The following LRRFIP2 variants were observed in gnomAD, a reference collection of about 807,000 sequenced individuals.
LRRFIP2 encodes the protein leucine-rich repeat flightless-interacting protein 2.
In LRRFIP2, 109 loss-of-function variants were observed where a neutral mutation model predicts 125.9. The ratio of observed to expected loss-of-function variants is 0.87; its 90% CI spans 0.74 to 1.01. The LOEUF (loss-of-function observed/expected upper bound fraction) is 1.01, where lower values mean the gene tolerates loss of function less well. LRRFIP2 is among the 50% of genes least tolerant of loss of function. The pLI, the probability that LRRFIP2 is intolerant of heterozygous loss-of-function variation, is 0.00. For synonymous variants in LRRFIP2, 291 were observed against 293.1 expected, an observed-to-expected ratio of 0.99 and a Z score of 0.07; for missense variants, 850 against 862.3, an observed-to-expected ratio of 0.99 and a Z score of 0.18.
chr3:37,061,364 C>T (rs2088647503), intron 24 of LRRFIP2, among the ~76,000 whole-genome samples: 1 of 151,884 alleles, frequency 6.6e-6, no homozygotes, highest in Admixed American at 6.6e-5. Context: ...CTTGCAGAAC[C>T]ATGAGCCAGT....
chr3:37,067,566 T>C (rs896678369), intron 21 of LRRFIP2: 14 of 152,232 alleles, frequency 9.2e-5, no homozygotes, highest in African/African-American at 2.4e-4. Context: ...GAGAAATTGA[T>C]AGCTGAATAG....
rs1316044631 is a variant in LRRFIP2, at chr3:37,060,499, C to T, written c.1750-1589G>A. The stretch of plus-strand genomic sequence containing the variant: ...TTTGTATTTTTAGTAGATGGGGTTT[C>T]GTCATGTTGGCCAGGCTGGTCTTGA... On this transcript the variant is annotated intron_variant, in intron 24 of 27. Transcript: ENST00000336686. This position sits in a 1 kb window ranked among gnomAD's most constrained non-coding sequence, Gnocchi z 4.1. Among the ~76,000 whole-genome samples the T allele has an allele frequency of 2.0e-5, 3 of 151,844 alleles. No homozygotes were observed. The highest frequency in any genetic ancestry group is 1.3e-4 in the Admixed American group (2 of 15,244).
intron 2 of LRRFIP2, among the ~76,000 whole-genome samples, chr3:37,137,860 T>C (rs1026185144): frequency 6.6e-6 from 1 of 152,228 alleles, no homozygotes; most frequent in Non-Finnish European, 1.5e-5. Context: ...TTTCCATTAA[T>C]GGAATCTTGT....
chr3:37,055,590 C>G lies in LRRFIP2; in HGVS notation c.1871-425G>C, dbSNP rs2086610425. Among the ~76,000 whole-genome samples, 5 of 152,106 alleles carry G rather than the reference C, an allele frequency of 3.3e-5. No homozygotes were observed. In the South Asian group the frequency reaches 1.0e-3, roughly 32 times the overall value. ...CCTGCCAAAAAAAAATTACAAAATACAAATGCACACACAACAACCACAGCA... is the reference window on the plus strand; with the variant it reads ...CCTGCCAAAAAAAAATTACAAAATAGAAATGCACACACAACAACCACAGCA... On this transcript the variant is annotated intron_variant, in intron 25 of 27. Transcript: ENST00000336686.
chr3:37,164,006 T>G (rs1409113704), intron 1 of LRRFIP2, among the ~76,000 whole-genome samples: 1 of 152,222 alleles, frequency 6.6e-6, no homozygotes, highest in Non-Finnish European at 1.5e-5. Context: ...CACAACTAAT[T>G]TTATGCAAAA....
In LRRFIP2 at chr3:37,083,694, A is replaced by G; in HGVS notation, c.1220T>C (p.Ile407Thr). The G allele has an allele frequency of 6.3e-7, 1 of 1,593,226 alleles. No homozygotes were observed. The highest frequency in any genetic ancestry group is 8.5e-7 in the Non-Finnish European group (1 of 1,172,824). ...TGCCATCTGTTCCTCCTGCTCTTCA[A>G]TAACATCCTTGAGTGTGTCTACTTG... ...IYQVDTLKDV[I>T]EEQEEQMAEF... is the part of the protein sequence containing the mutation. The change falls in exon 19 of 28, where the codon ATT becomes ACT. Residue 407 changes from isoleucine (I) to threonine (T), a missense_variant. Coordinates refer to ENST00000336686, the MANE Select transcript of LRRFIP2 (RefSeq NM_006309.4).
At chr3:37,134,551 G>A (rs1373603569) in intron 2 of LRRFIP2, 38 of 439,102 alleles carry the variant, frequency 8.7e-5, no homozygotes, top group East Asian at 5.3e-4. Context: ...TGGCAGAGCC[G>A]GTATGAGATG....
rs556612249 is a variant in LRRFIP2, at chr3:37,101,013, C to T, written c.873+1911G>A. Among the ~76,000 whole-genome samples, 152 of 152,212 alleles carry T rather than the reference C, an allele frequency of 1.0e-3. 4 individuals are homozygous for T. The South Asian group carries it at 0.03, about 30-fold the overall frequency. The stretch of plus-strand genomic sequence containing the variant: ...TTATTTAAATACGATCAGTGAAATG[C>T]TAATTATAAATAATTATTTCTTCAT... On this transcript the variant is annotated intron_variant, in intron 15 of 27. Transcript: ENST00000336686.
At chr3:37,133,561 A>G (rs1034964591) in intron 2 of LRRFIP2, among the ~76,000 whole-genome samples, 1 of 152,238 alleles carries the variant, frequency 6.6e-6, no homozygotes, top group African/African-American at 2.4e-5. Context: ...GTAATATTGT[A>G]TACTTCCACT....
intron 1 of LRRFIP2, among the ~76,000 whole-genome samples, chr3:37,159,400 ATTTT>A (rs1326179818): frequency 6.6e-6 from 1 of 152,148 alleles, no homozygotes; most frequent in Admixed American, 6.6e-5. Flanking sequence ...TTTGCAGTAA[ATTTT>A]TTAATTGGAA....
intron 1 of LRRFIP2, among the ~76,000 whole-genome samples, chr3:37,155,619 C>T (rs2096164444): frequency 6.6e-6 from 1 of 152,196 alleles, no homozygotes; most frequent in Admixed American, 6.5e-5. Flanking sequence ...TGACTTGAAA[C>T]AGAAGATAGA....
chr3:37,121,358 G>A, intron 6 of LRRFIP2, 134 bp downstream of exon 6: 1 of 738,444 alleles, frequency 1.4e-6, no homozygotes, highest in East Asian at 2.7e-5. Context: ...TCCAATGAAA[G>A]GTCTTTGCCA....
chr3:37,073,555 A>T (rs2091602741), intron 20 of LRRFIP2, among the ~76,000 whole-genome samples: 1 of 152,258 alleles, frequency 6.6e-6, no homozygotes, highest in African/African-American at 2.4e-5. Context: ...GGAATTTTCA[A>T]TTCCAAAGAC....
intron 26 of LRRFIP2, 47 bp from the exon 27 acceptor site, chr3:37,054,562 A>G (rs777034503): frequency 8.3e-5 from 107 of 1,290,202 alleles, no homozygotes; most frequent in Non-Finnish European, 1.1e-4. Flanking sequence ...ACTAGAAGTC[A>G]CCACTTTTTG....
At chr3:37,158,467 C>T (rs919935509) in intron 1 of LRRFIP2, among the ~76,000 whole-genome samples, 1 of 151,900 alleles carries the variant, frequency 6.6e-6, no homozygotes, top group African/African-American at 2.4e-5. Flanking sequence ...AATAGCCAGG[C>T]ATGGTGGCAC....
chr3:37,053,939 A>G lies in LRRFIP2; in HGVS notation c.2078T>C (p.Ile693Thr). 1 of 1,613,208 alleles carries G rather than the reference A, an allele frequency of 6.2e-7. No homozygotes were observed. Among genetic ancestry groups the G allele is most frequent in the Non-Finnish European group, 8.5e-7 (1 of 1,179,180 alleles). ...QRELRTALDK[I>T]EEMEMTNSHL... ...GCTGTTGGTCATCTCCATCTCCTCA[A>G]TCTTGTCCAGTGCTGTTCGTAACTG... The change falls in exon 28 of 28, where the codon ATT (isoleucine) becomes ACT (threonine). Residue 693 changes from isoleucine to threonine, a missense_variant. Ile to Thr is a moderately conservative substitution (Grantham distance 89). Coordinates refer to ENST00000336686, the MANE Select transcript of LRRFIP2 (RefSeq NM_006309.4).
At chr3:37,143,318 A>G (rs1338901769) in intron 2 of LRRFIP2, among the ~76,000 whole-genome samples, 1 of 152,222 alleles carries the variant, frequency 6.6e-6, no homozygotes. Flanking sequence ...TCCATCTACA[A>G]CGGGCAGTCA....
At chr3:37,128,948 C>A in intron 3 of LRRFIP2, 115 bp downstream of exon 3, 3 of 900,794 alleles carry the variant, frequency 3.3e-6, no homozygotes, top group Non-Finnish European at 5.3e-6. Context: ...ATACATACAT[C>A]AGTTTATACT....
chr3:37,137,544 C>T (rs535120037), intron 2 of LRRFIP2, among the ~76,000 whole-genome samples: 9 of 152,256 alleles, frequency 5.9e-5, no homozygotes, highest in African/African-American at 2.2e-4. Flanking sequence ...TGAAATAATA[C>T]TATTCTAGTT....
Sources: gnomAD v4.1 joint callset for allele counts (sites outside exome capture counted in the v4.1 genomes callset) on GRCh38, gnomAD v4.1.1 for gene constraint, Gnocchi (gnomAD v3.1) non-coding constraint, MANE v1.5 for transcripts, NCBI Gene and HGNC (gene_info 2026-07-23, HGNC 2026-07-21) for gene names.